The following MRPL2 variants were observed in gnomAD, a reference collection of about 807,000 sequenced individuals.
MRPL2 encodes mitochondrial ribosomal protein L2.
Under a neutral mutation model 34.6 loss-of-function variants are expected in MRPL2, and 27 were observed. The observed-to-expected ratio is 0.78, with a 90% CI of 0.58 to 1.08. The LOEUF (loss-of-function observed/expected upper bound fraction) is 1.08. Ranked by LOEUF, MRPL2 falls within the 50% of genes least tolerant of loss-of-function variation. MRPL2 has a pLI of 0.00. For missense variants in MRPL2, 414 were observed against 419.3 expected (o/e 0.99, Z 0.11); for synonymous variants, 155 against 158.0 (o/e 0.98, Z 0.14).
chr6:43,057,757 T>G (rs9472001), intron 2 of MRPL2: 78,681 of 390,544 alleles, frequency 0.2, 12,142 homozygotes, highest in African/African-American at 0.56. Context: ...GGGATTACAG[T>G]CGTGAGCCAC....
rs1308076323 is a variant in MRPL2, at chr6:43,059,279, G to A, written c.96+7C>T. 1 of 1,551,530 alleles carries A rather than the reference G, an allele frequency of 6.4e-7. No individual in the cohort carries two copies. Among genetic ancestry groups the A allele is most frequent in the East Asian group, 2.4e-5 (1 of 40,948 alleles). ...AAGCAGCCTTCTTCCCGGGTAAGAT[G>A]GATTACCTGGGCGGCGGGGAACAGA... On this transcript the variant is annotated splice_region_variant and intron_variant, in intron 1 of 6. Coordinates refer to ENST00000388752, the MANE Select transcript of MRPL2 (RefSeq NM_015950.5).
upstream of MRPL2, chr6:43,059,745 G>A: frequency 8.2e-7 from 1 of 1,217,006 alleles, no homozygotes; most frequent in Non-Finnish European, 1.0e-6. Flanking sequence ...TCTTATTCTC[G>A]CACTACCAGA....
At chr6:43,055,855 C>T (rs767190874) in intron 5 of MRPL2, 42 bp downstream of exon 5, 1 of 1,563,872 alleles carries the variant, frequency 6.4e-7, no homozygotes. Context: ...ACTCTCCTTG[C>T]CTTTCCAAAC....
At position 43,054,330 on chromosome 6, in the gene MRPL2, G is replaced by A; in HGVS notation, c.862C>T (p.Pro288Ser). 3.7e-6 allele frequency: 6 copies of A among 1,613,954 alleles called. No individual in the cohort carries two copies. Among genetic ancestry groups the A allele is most frequent in the Non-Finnish European group, 5.1e-6 (6 of 1,179,982 alleles). ...ACGTAACTCTTCATGGGGGGTAGTG[G>A]CCGAATCTTTCGGCCAGCCCAGCCC... Reference protein sequence around the residue: ...KGGWAGRKIRPLPPMKSYVKL... With the variant: ...KGGWAGRKIRSLPPMKSYVKL... Residue 288 changes from proline to serine, a missense_variant, in exon 7 of 7, where the codon CCA becomes TCA. Transcript: ENST00000388752.
chr6:43,056,318 A>T lies in MRPL2; in HGVS notation c.393T>A (p.Tyr131Ter). ...CATCCCAAACTTGCCTACAGGGATCATAGCGGACTTGGATAACCTTCTCCT... is the reference window on the plus strand; with the variant it reads ...CATCCCAAACTTGCCTACAGGGATCTTAGCGGACTTGGATAACCTTCTCCT... ...PFEEKVIQVR[Y>*]DPCRSADIAL... The change falls in exon 3 of 7, where the codon TAT (tyrosine) becomes TAA (stop). Residue 131 changes from tyrosine to a stop codon, truncating the protein, a stop_gained. Transcript: ENST00000388752. LOFTEE classifies it high-confidence loss of function. 6 of 1,614,242 alleles carry T rather than the reference A, an allele frequency of 3.7e-6. No individual in the cohort carries two copies. Among genetic ancestry groups the T allele is most frequent in the Non-Finnish European group, 5.1e-6 (6 of 1,180,044 alleles).
intron 2 of MRPL2, chr6:43,057,660 G>T: frequency 4.7e-6 from 1 of 210,790 alleles, no homozygotes; most frequent in Non-Finnish European, 9.3e-6. Context: ...TAAAGTTTTA[G>T]TAGAGATGAG....
chr6:43,058,019 A>C (rs375565017), intron 2 of MRPL2, 46 bp downstream of exon 2: 1 of 1,599,436 alleles, frequency 6.3e-7, no homozygotes, highest in East Asian at 2.2e-5. Context: ...GGGTCTTAAC[A>C]TGTTTTTCCT....
intron 1 of MRPL2, among the ~76,000 whole-genome samples, chr6:43,058,747 C>T (rs1439531239): frequency 2.0e-5 from 3 of 152,168 alleles, no homozygotes; most frequent in Non-Finnish European, 4.4e-5. Context: ...CACCAGTCAC[C>T]CACTAGGACC....
chr6:43,057,941 C>G lies in MRPL2; in HGVS notation c.265+124G>C, dbSNP rs1439136638. 4 of 1,101,382 alleles carry G rather than the reference C, an allele frequency of 3.6e-6. No individual in the cohort carries two copies. In the African/African-American group the frequency reaches 4.7e-5, roughly 13 times the overall value. The allele number at this position is 1,101,382 out of a possible 1,614,324, so 68.2% of individuals were successfully genotyped here. ...GTACACATACTACATGCAAAAGGAG[C>G]CAAATAAGTGCTTTTTAATTACATT... On this transcript the variant is annotated intron_variant, in intron 2 of 6. Transcript: ENST00000388752.
At chr6:43,055,641 C>G in intron 5 of MRPL2, 23 bp from the exon 6 acceptor site, 1 of 1,613,696 alleles carries the variant, frequency 6.2e-7, no homozygotes, top group Non-Finnish European at 8.5e-7. Context: ...GCTGATTTGC[C>G]ACCCTCCACA....
intron 2 of MRPL2, among the ~76,000 whole-genome samples, chr6:43,056,865 G>A (rs912096372): frequency 1.3e-5 from 2 of 151,978 alleles, no homozygotes; most frequent in East Asian, 1.9e-4. Flanking sequence ...TAGTAGAGAC[G>A]GGTTTCACTG....
At position 43,054,075 on chromosome 6, in the gene MRPL2, G is replaced by A. The variant is rs904493594; in HGVS notation, c.*199C>T. 9.5e-6 allele frequency: 6 copies of A among 633,438 alleles called. No homozygotes were observed. In the African/African-American group the frequency reaches 1.1e-4, roughly 12 times the overall value. The allele number at this position is 633,438 out of a possible 1,614,324, so 39.2% of individuals were successfully genotyped here. ...CCATCCCCGGCTCCATTACTTGTAA[G>A]GGAATTGGGGTGGGGACAGACCCAG... On this transcript the variant is annotated 3_prime_UTR_variant, in exon 7 of 7. Coordinates refer to ENST00000388752, the MANE Select transcript of MRPL2 (RefSeq NM_015950.5).
Position 43,054,062 on chromosome 6 carries a change from C to T in MRPL2, c.*212G>A. The T allele has an allele frequency of 1.6e-6, 1 of 640,528 alleles. No homozygotes were observed. 39.7% of individuals were successfully genotyped at this position (640,528 alleles called of 1,614,324 possible). A position where few individuals can be genotyped will look rare whatever the true frequency, so the allele number is the denominator to read the frequency against. ...ACGTCATTTATTTCCATCCCCGGCT[C>T]CATTACTTGTAAGGGAATTGGGGTG... is the stretch of plus-strand genomic sequence containing the variant. On this transcript the variant is annotated 3_prime_UTR_variant, in exon 7 of 7. Transcript: ENST00000388752.
chr6:43,059,580 G>C, upstream of MRPL2: 1 of 1,418,756 alleles, frequency 7.0e-7, no homozygotes, highest in Non-Finnish European at 9.2e-7. Context: ...CTAGGAAACA[G>C]GCCCCGCCCC....
intron 1 of MRPL2, 50 bp from the exon 2 acceptor site, chr6:43,058,283 G>A (rs761268728): frequency 6.3e-7 from 1 of 1,589,508 alleles, no homozygotes; most frequent in Non-Finnish European, 8.6e-7. Context: ...TGAAGGCAAA[G>A]CATCAGAGAA....
At chr6:43,059,458 C>T (rs1765015338), upstream of MRPL2, 1 of 1,467,512 alleles carries the variant, frequency 6.8e-7, no homozygotes, top group South Asian at 1.4e-5. Context: ...CGTCGCTCCG[C>T]AATAACGTAA....
upstream of MRPL2, chr6:43,059,799 C>G: frequency 8.5e-7 from 1 of 1,176,154 alleles, no homozygotes; most frequent in Non-Finnish European, 1.1e-6. Context: ...AAACTCCAGC[C>G]TCCAAAACTC....
chr6:43,059,796 A>C (rs961542781), upstream of MRPL2: 5 of 1,168,472 alleles, frequency 4.3e-6, no homozygotes, highest in Admixed American at 1.3e-4. Flanking sequence ...ACAAAACTCC[A>C]GCCTCCAAAA....
At position 43,059,287 on chromosome 6, in the gene MRPL2, T is replaced by C; in HGVS notation, c.95A>G (p.Gln32Arg). 2 of 1,551,502 alleles carry C rather than the reference T, an allele frequency of 1.3e-6. No homozygotes were observed. Among genetic ancestry groups the C allele is most frequent in the Non-Finnish European group, 1.7e-6 (2 of 1,147,086 alleles). Residue 32 changes from glutamine to arginine, a missense_variant and splice_region_variant, in exon 1 of 7, where the codon CAG (glutamine) becomes CGG (arginine). Gln to Arg is a conservative substitution (Grantham distance 43). Coordinates refer to ENST00000388752, the MANE Select transcript of MRPL2 (RefSeq NM_015950.5). The stretch of plus-strand genomic sequence containing the variant: ...TTCTTCCCGGGTAAGATGGATTACC[T>C]GGGCGGCGGGGAACAGACTCGGGGC... ...APAPSLFPAA[Q>R]MMNNGLLQQP...
Sources: allele counts gnomAD v4.1 joint callset (sites outside exome capture counted in the v4.1 genomes callset), GRCh38; gene constraint gnomAD v4.1.1; transcripts MANE v1.5; gene names NCBI Gene and HGNC (gene_info 2026-07-23, HGNC 2026-07-21).